GLIS3: variants seen among roughly 807,000 people sequenced by gnomAD.
The protein encoded by GLIS3 is zinc finger protein GLIS3.
A neutral mutation model predicts 78.6 loss-of-function variants in GLIS3; 53 were observed. The observed-to-expected ratio is 0.67, with a 90% CI of 0.54 to 0.85. The LOEUF is 0.85. GLIS3 is among the 40% of genes least tolerant of loss of function. The pLI, the probability that GLIS3 is intolerant of heterozygous loss-of-function variation, is 0.00. For synonymous variants in GLIS3, 684 were observed against 509.9 expected (o/e 1.34, Z -4.60); for missense variants, 1,703 against 1,231.1 (o/e 1.38, Z -5.74).
the GLIS3 span, among the ~76,000 whole-genome samples, chr9:4,444,656 T>C: frequency 1.2e-4 from 18 of 152,272 alleles, no homozygotes; most frequent in African/African-American, 4.3e-4. Flanking sequence ...ATTAGAAGTC[T>C]GGCTTTCACT....
intron 4 of GLIS3, among the ~76,000 whole-genome samples, chr9:4,088,618 A>G (rs1247476304): frequency 1.3e-5 from 2 of 152,258 alleles, no homozygotes; most frequent in Non-Finnish European, 2.9e-5. Context: ...ATTCACTTCA[A>G]TAAATATTTA....
the GLIS3 span, among the ~76,000 whole-genome samples, chr9:4,386,203 T>TA: frequency 6.6e-6 from 1 of 152,202 alleles, no homozygotes; most frequent in African/African-American, 2.4e-5. Context: ...CTAATCACCC[T>TA]ACTCAGAAGG....
chr9:4,139,975 CT>C (rs1176491197), intron 2 of GLIS3, among the ~76,000 whole-genome samples: 3 of 152,010 alleles, frequency 2.0e-5, no homozygotes, highest in African/African-American at 7.2e-5. Context: ...ATCAATGGGA[CT>C]TTTTTTTCAG....
At chr9:3,871,554 C>T (rs529895397) in intron 8 of GLIS3, among the ~76,000 whole-genome samples, 42 of 152,294 alleles carry the variant, frequency 2.8e-4, no homozygotes, top group Admixed American at 2.5e-3. Flanking sequence ...TCTGTGTACC[C>T]GCAGGCTCAA....
chr9:4,023,010 G>A (rs1250538578), intron 4 of GLIS3, among the ~76,000 whole-genome samples: 1 of 152,056 alleles, frequency 6.6e-6, no homozygotes, highest in East Asian at 1.9e-4. Context: ...TTTCACGGAG[G>A]TACACAGCTG....
chr9:4,152,045 C>T (rs1156882806), intron 2 of GLIS3: 3 of 631,982 alleles, frequency 4.7e-6, no homozygotes, highest in Non-Finnish European at 3.9e-6. Context: ...GAACCTCAAA[C>T]CCTCCCAGTC....
chr9:4,408,614 G>A, the GLIS3 span, among the ~76,000 whole-genome samples: 1 of 143,284 alleles, frequency 7.0e-6, no homozygotes, highest in Admixed American at 7.0e-5. Context: ...GTAGTCCCAG[G>A]TACTCGGGAG....
intron 2 of GLIS3, among the ~76,000 whole-genome samples, chr9:4,319,259 T>C (rs762628044): frequency 2.4e-4 from 37 of 152,162 alleles, no homozygotes; most frequent in Non-Finnish European, 4.4e-4. Flanking sequence ...TTAGAAAATA[T>C]CACTGTACTT....
intron 4 of GLIS3, among the ~76,000 whole-genome samples, chr9:3,996,170 C>T (rs1227269018): frequency 6.6e-6 from 1 of 152,038 alleles, no homozygotes; most frequent in Non-Finnish European, 1.5e-5. Context: ...TTACACATAC[C>T]TTTCAAGAGC....
At chr9:4,014,943 T>G (rs1281871339) in intron 4 of GLIS3, among the ~76,000 whole-genome samples, 1 of 152,206 alleles carries the variant, frequency 6.6e-6, no homozygotes, top group Non-Finnish European at 1.5e-5. Context: ...CGCCAGACTC[T>G]GGAAATGATT....
chr9:4,357,911 C>T, the GLIS3 span, among the ~76,000 whole-genome samples: 7 of 152,200 alleles, frequency 4.6e-5, no homozygotes, highest in East Asian at 5.8e-4. Context: ...AAATGGCAAA[C>T]GAACAACGCA....
At chr9:4,071,084 C>T (rs1827565528) in intron 4 of GLIS3, 1 of 152,148 alleles carries the variant, frequency 6.6e-6, no homozygotes, top group African/African-American at 2.4e-5. Context: ...TCAGTTTGAA[C>T]TAATACACTA....
chr9:4,131,904 G>C (rs950319216), intron 2 of GLIS3, among the ~76,000 whole-genome samples: 2 of 152,120 alleles, frequency 1.3e-5, no homozygotes, highest in South Asian at 4.2e-4. Flanking sequence ...TTACATGCCT[G>C]TCATTGCTTT....
At chr9:4,332,998 G>C (rs188074077) in intron 2 of GLIS3, among the ~76,000 whole-genome samples, 2 of 152,178 alleles carry the variant, frequency 1.3e-5, no homozygotes. Flanking sequence ...AGCATTGAGT[G>C]CTTACTCTGA....
intron 2 of GLIS3, among the ~76,000 whole-genome samples, chr9:4,315,943 G>T (rs936592215): frequency 2.0e-5 from 3 of 152,118 alleles, no homozygotes; most frequent in African/African-American, 7.2e-5. Flanking sequence ...ACACCAAGTT[G>T]TTCACAAAAC....
At chr9:4,185,614 G>T (rs999408981) in intron 2 of GLIS3, among the ~76,000 whole-genome samples, 4 of 152,146 alleles carry the variant, frequency 2.6e-5, no homozygotes, top group African/African-American at 9.7e-5. Context: ...ATGCTTTAAG[G>T]AAGGTTTAAT....
chr9:4,360,672 G>T, the GLIS3 span, among the ~76,000 whole-genome samples: 1 of 152,102 alleles, frequency 6.6e-6, no homozygotes, highest in Non-Finnish European at 1.5e-5. Context: ...TAAGTTTCAG[G>T]GTTAACGTTT....
intron 1 of GLIS3, among the ~76,000 whole-genome samples, chr9:4,298,190 T>C (rs1384968112): frequency 1.3e-5 from 2 of 151,950 alleles, no homozygotes; most frequent in African/African-American, 4.8e-5. Flanking sequence ...CTGCCCGGCC[T>C]GGCCGGAGCC....
chr9:4,167,823 C>G (rs1189236491), intron 2 of GLIS3, among the ~76,000 whole-genome samples: 1 of 152,184 alleles, frequency 6.6e-6, no homozygotes, highest in African/African-American at 2.4e-5. Flanking sequence ...TACACGGCAC[C>G]TATGGCTTCC....
Sources: allele counts gnomAD v4.1 joint callset (sites outside exome capture counted in the v4.1 genomes callset), GRCh38; gene constraint gnomAD v4.1.1; transcripts MANE v1.5; gene names NCBI Gene and HGNC (gene_info 2026-07-23, HGNC 2026-07-21).